Variants in RIMS1 observed in about 807,000 individuals in gnomAD.
RIMS1 encodes regulating synaptic membrane exocytosis protein 1.
A neutral mutation model predicts 214.1 loss-of-function variants in RIMS1; 83 were observed. That is an observed-to-expected ratio of 0.39 (90% CI 0.32 to 0.47). The LOEUF is 0.47. RIMS1 is among the 20% of genes least tolerant of loss of function. The pLI, the probability that RIMS1 is intolerant of heterozygous loss-of-function variation, is 0.99. For synonymous variants in RIMS1, 793 were observed against 786.8 expected, an observed-to-expected ratio of 1.01 and a Z score of -0.13; for missense variants, 2,050 against 2,161.8, an observed-to-expected ratio of 0.95 and a Z score of 1.03.
chr6:72,098,799 T>G (rs1463205190), intron 3 of RIMS1, among the ~76,000 whole-genome samples: 1 of 152,256 alleles, frequency 6.6e-6, no homozygotes, highest in African/African-American at 2.4e-5. Flanking sequence ...CCCATTCTTA[T>G]GACTCCATAA....
chr6:72,338,747 C>T (rs1490706027), intron 29 of RIMS1, among the ~76,000 whole-genome samples: 2 of 151,738 alleles, frequency 1.3e-5, no homozygotes, highest in African/African-American at 4.8e-5. Flanking sequence ...GACACTGAGA[C>T]TTAGAGGGAT....
chr6:71,991,680 T>C (rs1415211140), intron 2 of RIMS1, among the ~76,000 whole-genome samples: 1 of 152,252 alleles, frequency 6.6e-6, no homozygotes, highest in Non-Finnish European at 1.5e-5. Flanking sequence ...TACTGTAGTT[T>C]AGAGACTTCA....
intron 2 of RIMS1, among the ~76,000 whole-genome samples, chr6:72,048,606 T>C (rs371986600): frequency 1.3e-5 from 2 of 152,186 alleles, no homozygotes; most frequent in Non-Finnish European, 2.9e-5. Context: ...ACTACCATAA[T>C]GAAGGATCTG....
At chr6:72,041,360 TA>T (rs1821385998) in intron 2 of RIMS1, among the ~76,000 whole-genome samples, 2 of 151,894 alleles carry the variant, frequency 1.3e-5, no homozygotes, top group South Asian at 4.1e-4. Context: ...AAAGGCTTTA[TA>T]AGAAAGTTGT....
intron 2 of RIMS1, among the ~76,000 whole-genome samples, chr6:72,001,064 G>A (rs551415536): frequency 6.6e-6 from 1 of 152,178 alleles, no homozygotes; most frequent in South Asian, 2.1e-4. Context: ...TCTAGTCACT[G>A]TTTCTCAGTT....
In RIMS1 at chr6:72,401,842, A is replaced by G. The variant is rs1409062335; in HGVS notation, c.*1128A>G. 1 of 152,682 alleles carries G rather than the reference A, an allele frequency of 6.5e-6. No individual in the cohort carries two copies. Among genetic ancestry groups the G allele is most frequent in the South Asian group, 2.1e-4 (1 of 4,830 alleles). The allele number at this position is 152,682 out of a possible 1,614,324, so 9.5% of individuals were successfully genotyped here. On this transcript the variant is annotated 3_prime_UTR_variant, in exon 34 of 34. Coordinates refer to ENST00000521978, the MANE Select transcript of RIMS1 (RefSeq NM_014989.7). Reference sequence around the variant, plus strand: ...GGAAATTCCAGTTGAAATATTCTGCACTAAACTATTGTTTTTATTGAATTT... The same window carrying G: ...GGAAATTCCAGTTGAAATATTCTGCGCTAAACTATTGTTTTTATTGAATTT...
intron 24 of RIMS1, 69 bp downstream of exon 24, chr6:72,284,187 C>T (rs2091459984): frequency 7.7e-7 from 1 of 1,297,454 alleles, no homozygotes; most frequent in South Asian, 1.2e-5. Flanking sequence ...CTGTCACTCT[C>T]ATTTTACATG....
chr6:72,028,409 C>A (rs1219803660), intron 2 of RIMS1, among the ~76,000 whole-genome samples: 1 of 151,958 alleles, frequency 6.6e-6, no homozygotes, highest in African/African-American at 2.4e-5. Flanking sequence ...ATATCTGTAA[C>A]AACCTAAGAA....
intron 1 of RIMS1, among the ~76,000 whole-genome samples, chr6:71,932,715 A>G (rs1783411047): frequency 6.6e-6 from 1 of 152,122 alleles, no homozygotes; most frequent in African/African-American, 2.4e-5. Flanking sequence ...GGCTTAAGCA[A>G]TCCTTCTCCT....
At chr6:72,081,275 A>G (rs573611938) in intron 2 of RIMS1, among the ~76,000 whole-genome samples, 57 of 152,322 alleles carry the variant, frequency 3.7e-4, no homozygotes, top group African/African-American at 1.3e-3. Flanking sequence ...GAAGTATAGC[A>G]AAGTGTTTTC....
In RIMS1 at chr6:72,251,329, C is replaced by G; in HGVS notation, c.2659C>G (p.Arg887Gly). ...TCAGCCATCACCTTTCATGCCAAGG[C>G]GACATATTCATGGAGAAAGCTCTAG... ...LPQPSPFMPRRHIHGESSSKK... is the reference protein window; with the variant it reads ...LPQPSPFMPRGHIHGESSSKK... Residue 887 changes from arginine (R) to glycine (G), a missense_variant, in exon 15 of 34, where the codon CGA becomes GGA. By Grantham distance (125) the Arg-to-Gly change is moderately radical (BLOSUM62 -2). This residue lies in a region of RIMS1 where 889 missense variants were observed against 885.5 expected (regional missense o/e 1.00). Coordinates refer to ENST00000521978, the MANE Select transcript of RIMS1 (RefSeq NM_014989.7). 6.3e-7 allele frequency: 1 copy of G among 1,599,540 alleles called. No individual in the cohort carries two copies. Among genetic ancestry groups the G allele is most frequent in the Non-Finnish European group, 8.5e-7 (1 of 1,172,838 alleles).
intron 2 of RIMS1, among the ~76,000 whole-genome samples, chr6:72,077,098 C>T (rs887738728): frequency 5.9e-5 from 9 of 152,172 alleles, no homozygotes; most frequent in African/African-American, 2.2e-4. Context: ...CGGGCTGCTC[C>T]ATCTGCCTGG....
At chr6:71,969,892 T>C (rs1795415190) in intron 2 of RIMS1, among the ~76,000 whole-genome samples, 2 of 152,262 alleles carry the variant, frequency 1.3e-5, no homozygotes, top group South Asian at 2.1e-4. Flanking sequence ...TAGATCCTAA[T>C]GATTAATTAA....
chr6:71,894,606 C>G (rs938618393), intron 1 of RIMS1, among the ~76,000 whole-genome samples: 3 of 152,162 alleles, frequency 2.0e-5, no homozygotes, highest in Non-Finnish European at 4.4e-5. Flanking sequence ...CTCCTTTGAG[C>G]CTTGCAAAGA....
At chr6:72,090,646 A>G (rs1471028656) in intron 2 of RIMS1, among the ~76,000 whole-genome samples, 1 of 152,206 alleles carries the variant, frequency 6.6e-6, no homozygotes, top group East Asian at 1.9e-4. Context: ...TTAACTGTAA[A>G]ACTATATGAC....
intron 29 of RIMS1, among the ~76,000 whole-genome samples, chr6:72,379,560 T>TGGAGCAA (rs2098450606): frequency 6.6e-6 from 1 of 152,228 alleles, no homozygotes; most frequent in Non-Finnish European, 1.5e-5. Context: ...GTGCTTTGAA[T>TGGAGCAA]GGAGCAAGGA....
chr6:72,336,381 T>G (rs2096844876), intron 29 of RIMS1, among the ~76,000 whole-genome samples: 1 of 151,860 alleles, frequency 6.6e-6, no homozygotes, highest in Non-Finnish European at 1.5e-5. Context: ...CTTTTTTCAT[T>G]TATGTTTTAT....
At position 72,237,920 on chromosome 6, in the gene RIMS1, C is replaced by G. The variant is rs756224431; in HGVS notation, c.1955C>G (p.Ala652Gly). 1 of 1,598,934 alleles carries G rather than the reference C, an allele frequency of 6.3e-7. No homozygotes were observed. The highest frequency in any genetic ancestry group is 2.2e-5 in the East Asian group (1 of 44,740). The change falls in exon 9 of 34, where the codon GCA becomes GGA. Residue 652 changes from alanine (A) to glycine (G), a missense_variant and splice_region_variant. Coordinates refer to ENST00000521978, the MANE Select transcript of RIMS1 (RefSeq NM_014989.7). ...GCAGATGTAGTTGGACACCTAAGAGCAGGTAAAGTTTCTTTTTTTAATATT... is the reference window on the plus strand; with the variant it reads ...GCAGATGTAGTTGGACACCTAAGAGGAGGTAAAGTTTCTTTTTTTAATATT... ...SLADVVGHLR[A>G]GDEVLEWNGK... is the part of the protein sequence containing the mutation.
intron 4 of RIMS1, among the ~76,000 whole-genome samples, chr6:72,124,645 A>G (rs1302352700): frequency 6.8e-6 from 1 of 147,440 alleles, no homozygotes; most frequent in Non-Finnish European, 1.5e-5. Flanking sequence ...TATTCCCATA[A>G]TCCCATATTT....
Sources: allele counts gnomAD v4.1 joint callset (sites outside exome capture counted in the v4.1 genomes callset), GRCh38; gene constraint gnomAD v4.1.1; regional missense constraint gnomAD v4.1.1; transcripts MANE v1.5; gene names NCBI Gene and HGNC (gene_info 2026-07-23, HGNC 2026-07-21).